SRD5A2: variants seen among roughly 807,000 people sequenced by gnomAD.
SRD5A2 encodes steroid 5 alpha-reductase 2.
SRD5A2 carries 30 observed loss-of-function variants against 27.4 expected under a neutral mutation model. That is an observed-to-expected ratio of 1.10 (90% confidence interval 0.82 to 1.49). SRD5A2 has a LOEUF of 1.49. Among genes scored for constraint, SRD5A2 ranks in the 40% most tolerant of loss-of-function variants. SRD5A2 has a pLI of 0.00. For missense variants in SRD5A2, 348 were observed against 323.4 expected (o/e 1.08, Z -0.58); for synonymous variants, 141 against 133.6 (o/e 1.06, Z -0.38).
the SRD5A2 span, among the ~76,000 whole-genome samples, chr2:31,615,958 A>G: frequency 6.6e-6 from 1 of 152,164 alleles, no homozygotes; most frequent in Non-Finnish European, 1.5e-5. Context: ...AGAAGGTTCA[A>G]GTACCAAGCC....
chr2:31,589,234 C>T, the SRD5A2 span, among the ~76,000 whole-genome samples: 1 of 152,248 alleles, frequency 6.6e-6, no homozygotes, highest in South Asian at 2.1e-4. Context: ...CTGAACTGCC[C>T]ATGTCAAGAG....
the SRD5A2 span, among the ~76,000 whole-genome samples, chr2:31,631,169 T>C: frequency 6.6e-6 from 1 of 152,174 alleles, no homozygotes; most frequent in African/African-American, 2.4e-5. Flanking sequence ...GTCTGGGTTG[T>C]TATGAAATAC....
At chr2:31,593,317 A>G in the SRD5A2 span, among the ~76,000 whole-genome samples, 1 of 152,270 alleles carries the variant, frequency 6.6e-6, no homozygotes, top group South Asian at 2.1e-4. Context: ...AAAATTCTTC[A>G]GAGAAATATA....
upstream of SRD5A2, among the ~76,000 whole-genome samples, chr2:31,584,548 G>A (rs1179047946): frequency 2.0e-5 from 3 of 152,204 alleles, no homozygotes; most frequent in East Asian, 1.9e-4. Flanking sequence ...TCAAGGTTAC[G>A]TAAGCTACCT....
At chr2:31,543,837 C>T (rs1279923338) in intron 1 of SRD5A2, among the ~76,000 whole-genome samples, 3 of 152,140 alleles carry the variant, frequency 2.0e-5, no homozygotes, top group South Asian at 4.1e-4. Flanking sequence ...GAAGTAAGTT[C>T]CTCCTTTTCA....
chr2:31,637,003 A>C, the SRD5A2 span, among the ~76,000 whole-genome samples: 1 of 152,030 alleles, frequency 6.6e-6, no homozygotes, highest in African/African-American at 2.4e-5. Flanking sequence ...GTTTGCAAGT[A>C]TTTCCTTCTT....
At chr2:31,635,409 C>T in the SRD5A2 span, among the ~76,000 whole-genome samples, 1 of 151,874 alleles carries the variant, frequency 6.6e-6, no homozygotes, top group South Asian at 2.1e-4. Flanking sequence ...GATTTTTTTC[C>T]TACAGAGTTG....
the SRD5A2 span, among the ~76,000 whole-genome samples, chr2:31,653,173 C>T: frequency 6.6e-6 from 1 of 152,132 alleles, no homozygotes; most frequent in East Asian, 1.9e-4. Context: ...TTCAGAAGTC[C>T]GTCCTAGTTC....
the SRD5A2 span, among the ~76,000 whole-genome samples, chr2:31,659,085 C>T: frequency 6.6e-6 from 1 of 151,372 alleles, no homozygotes; most frequent in Non-Finnish European, 1.5e-5. Flanking sequence ...TGATTTATTA[C>T]ATAAACAGAA....
At chr2:31,549,120 T>C (rs1666327417) in intron 1 of SRD5A2, among the ~76,000 whole-genome samples, 1 of 146,464 alleles carries the variant, frequency 6.8e-6, no homozygotes, top group South Asian at 2.1e-4. Flanking sequence ...TTATTATTAT[T>C]ATTATTATTT....
intron 1 of SRD5A2, 91 bp downstream of exon 1, chr2:31,580,529 G>C: frequency 7.2e-7 from 1 of 1,392,592 alleles, no homozygotes; most frequent in Non-Finnish European, 9.4e-7. Context: ...TGCCTCCTTG[G>C]CGTTCCTCGG....
intron 2 of SRD5A2, among the ~76,000 whole-genome samples, chr2:31,532,361 TCACACACACA>T (rs35752905): frequency 3.1e-4 from 44 of 143,798 alleles, no homozygotes; most frequent in Middle Eastern, 3.5e-3. Context: ...CACTGCCAGT[TCACACACACA>T]CACACACACA....
At chr2:31,583,019 C>T (rs1040106581), upstream of SRD5A2, among the ~76,000 whole-genome samples, 8 of 152,180 alleles carry the variant, frequency 5.3e-5, no homozygotes, top group Admixed American at 3.3e-4. Context: ...CTTTTCTCCA[C>T]TATTATAACA....
At chr2:31,625,735 T>C in the SRD5A2 span, among the ~76,000 whole-genome samples, 1,380 of 152,192 alleles carry the variant, frequency 9.1e-3, 10 homozygotes, top group South Asian at 0.015. Context: ...TGTTTTGGTA[T>C]CAGTACAATG....
the SRD5A2 span, among the ~76,000 whole-genome samples, chr2:31,662,446 C>T: frequency 7.2e-5 from 11 of 151,964 alleles, no homozygotes; most frequent in African/African-American, 2.2e-4. Flanking sequence ...AGCTTCCTGA[C>T]TAGCCGGGAC....
At chr2:31,614,942 G>C in the SRD5A2 span, among the ~76,000 whole-genome samples, 68 of 152,046 alleles carry the variant, frequency 4.5e-4, no homozygotes, top group Non-Finnish European at 9.0e-4. Context: ...GCATAGTAGT[G>C]AATAAGTCTC....
chr2:31,611,799 T>C, the SRD5A2 span, among the ~76,000 whole-genome samples: 3 of 152,274 alleles, frequency 2.0e-5, no homozygotes, highest in Middle Eastern at 6.8e-3. Context: ...CCCAGAAATT[T>C]CACTACTTAT....
chr2:31,627,322 G>T, the SRD5A2 span, among the ~76,000 whole-genome samples: 7 of 151,394 alleles, frequency 4.6e-5, no homozygotes, highest in Non-Finnish European at 8.9e-5. Flanking sequence ...CCCCTTTGTT[G>T]TTTCTGATTG....
chr2:31,532,475 G>A (rs2148065998), intron 2 of SRD5A2, among the ~76,000 whole-genome samples: 1 of 151,934 alleles, frequency 6.6e-6, no homozygotes, highest in African/African-American at 2.4e-5. Context: ...TATCCTGGAG[G>A]TGTCTCCACA....
Sources: allele counts gnomAD v4.1 joint callset (sites outside exome capture counted in the v4.1 genomes callset), GRCh38; gene constraint gnomAD v4.1.1; transcripts MANE v1.5; gene names NCBI Gene and HGNC (gene_info 2026-07-23, HGNC 2026-07-21).